Variants in DLGAP2 observed in about 807,000 individuals in gnomAD.
DLGAP2 encodes the protein disks large-associated protein 2.
In DLGAP2, 26 loss-of-function variants were observed where a neutral mutation model predicts 100.3. The observed-to-expected ratio is 0.26, with a 90% CI of 0.19 to 0.36. DLGAP2 has a LOEUF of 0.36. Among genes scored for constraint, DLGAP2 ranks in the 10% least tolerant of loss-of-function variants. The pLI is 1.00. For synonymous variants in DLGAP2, 886 were observed against 630.1 expected (o/e 1.41, Z -6.08); for missense variants, 1,858 against 1,453.2 (o/e 1.28, Z -4.53).
At chr8:1,638,421 C>T (rs117500876) in intron 8 of DLGAP2, among the ~76,000 whole-genome samples, 5 of 152,042 alleles carry the variant, frequency 3.3e-5, no homozygotes, top group African/African-American at 1.2e-4. Flanking sequence ...GTTTTCCCAG[C>T]GCCTTGGTCT....
At chr8:1,126,050 G>A (rs1796156012) in intron 2 of DLGAP2, among the ~76,000 whole-genome samples, 1 of 152,216 alleles carries the variant, frequency 6.6e-6, no homozygotes, top group Non-Finnish European at 1.5e-5. Context: ...CCCTGCCATG[G>A]TCTTCTCCCA....
chr8:1,342,091 C>G (rs1801431262), intron 3 of DLGAP2, among the ~76,000 whole-genome samples: 1 of 152,080 alleles, frequency 6.6e-6, no homozygotes, highest in African/African-American at 2.4e-5. Flanking sequence ...GCTGGGGCAA[C>G]AGGCAGGTGC....
rs113895637 is a variant in DLGAP2, at chr8:1,626,192, C to T, written c.1443-548C>T. On this transcript the variant is annotated intron_variant, in intron 6 of 14. Coordinates refer to ENST00000637795, the MANE Select transcript of DLGAP2 (RefSeq NM_001346810.2). ...GGCTGTTCCCATCTCTACCCTGTGGCGGGTGCTCAGCCTCTGGGTGTGGGT... is the reference window on the plus strand; with the variant it reads ...GGCTGTTCCCATCTCTACCCTGTGGTGGGTGCTCAGCCTCTGGGTGTGGGT... 1.1e-3 allele frequency among the ~76,000 whole-genome samples: 90 copies of T among 84,132 alleles called. 2 individuals carry two copies. The highest frequency in any genetic ancestry group is 5.7e-3 in the African/African-American group (67 of 11,758). 55.2% of individuals were successfully genotyped at this position (84,132 alleles called of 152,430 possible).
chr8:1,327,791 C>A lies in DLGAP2; in HGVS notation c.106+68908C>A, dbSNP rs371408801. The stretch of plus-strand genomic sequence containing the variant: ...CCCAGGAGGGGGAGCTTGCAATGAG[C>A]AGAGATGGCACCACTGCACTCCAGC... On this transcript the variant is annotated intron_variant, in intron 3 of 14. Coordinates refer to ENST00000637795, the MANE Select transcript of DLGAP2 (RefSeq NM_001346810.2). Among the ~76,000 whole-genome samples the A allele has an allele frequency of 7.9e-5, 12 of 152,314 alleles. No homozygotes were observed. In the East Asian group the frequency reaches 2.1e-3, roughly 27 times the overall value.
At chr8:772,815 C>G (rs937842600) in intron 1 of DLGAP2, among the ~76,000 whole-genome samples, 5 of 152,172 alleles carry the variant, frequency 3.3e-5, no homozygotes, top group African/African-American at 9.6e-5. Flanking sequence ...ATTAAGTGCT[C>G]TGCAAATCAC....
chr8:743,040 CTT>C (rs1162194087), intron 1 of DLGAP2, among the ~76,000 whole-genome samples: 6 of 152,202 alleles, frequency 3.9e-5, no homozygotes, highest in Non-Finnish European at 8.8e-5. Context: ...TCAAGCAACT[CTT>C]TGATTTCTCT....
intron 2 of DLGAP2, among the ~76,000 whole-genome samples, chr8:1,225,896 G>A (rs553078411): frequency 6.6e-6 from 1 of 152,134 alleles, no homozygotes; most frequent in Non-Finnish European, 1.5e-5. Context: ...ATTCCGTAAT[G>A]TATGCATATA....
chr8:1,632,097 G>A (rs941392832), intron 7 of DLGAP2, among the ~76,000 whole-genome samples: 1 of 151,496 alleles, frequency 6.6e-6, no homozygotes, highest in African/African-American at 2.4e-5. Context: ...GACAGGGGAG[G>A]AAGGATGGAA....
intron 2 of DLGAP2, among the ~76,000 whole-genome samples, chr8:1,042,654 G>A (rs992051507): frequency 2.0e-5 from 3 of 152,204 alleles, no homozygotes; most frequent in Non-Finnish European, 4.4e-5. Context: ...CCATCCTCTG[G>A]GAAGTCCTGG....
At chr8:1,546,117 A>G (rs1801525698) in intron 4 of DLGAP2, among the ~76,000 whole-genome samples, 2 of 152,230 alleles carry the variant, frequency 1.3e-5, no homozygotes, top group Non-Finnish European at 2.9e-5. Context: ...CCCCCAATAT[A>G]TTAAAGTGCT....
At chr8:1,629,782 CA>C (rs1347791229) in intron 7 of DLGAP2, among the ~76,000 whole-genome samples, 2 of 152,168 alleles carry the variant, frequency 1.3e-5, no homozygotes, top group Non-Finnish European at 2.9e-5. Flanking sequence ...AATACTTTTC[CA>C]CAAACAACTT....
chr8:1,649,500 C>T lies in DLGAP2; in HGVS notation c.1810+16454C>T, dbSNP rs10503167. On this transcript the variant is annotated intron_variant, in intron 8 of 14. Transcript: ENST00000637795. ...GATTACTCTGAATTAATCTTTGAAC[C>T]CTTTTTCAAACACCAAAAATGCAGA... is the stretch of plus-strand genomic sequence containing the variant. Among the ~76,000 whole-genome samples the T allele has an allele frequency of 7.2e-5, 11 of 152,134 alleles. No individual in the cohort carries two copies. In the South Asian group the frequency reaches 2.1e-3, roughly 29 times the overall value.
At position 1,660,933 on chromosome 8, in the gene DLGAP2, G is replaced by C. The variant is rs142691541; in HGVS notation, c.1811-7396G>C. On this transcript the variant is annotated intron_variant, in intron 8 of 14. Coordinates refer to ENST00000637795, the MANE Select transcript of DLGAP2 (RefSeq NM_001346810.2). ...GAAGAATACACGGCACCGTGATTCCGTAGCTAATACCGCAACTTTCAGCAA... is the reference window on the plus strand; with the variant it reads ...GAAGAATACACGGCACCGTGATTCCCTAGCTAATACCGCAACTTTCAGCAA... Among the ~76,000 whole-genome samples, 230 of 152,286 alleles carry C rather than the reference G, an allele frequency of 1.5e-3. 1 individual carries two copies. Among genetic ancestry groups the C allele is most frequent in the Non-Finnish European group, 2.7e-3 (187 of 68,038 alleles).
At chr8:1,588,868 G>A (rs936959818) in intron 6 of DLGAP2, among the ~76,000 whole-genome samples, 1 of 152,014 alleles carries the variant, frequency 6.6e-6, no homozygotes. Context: ...GTTGCATTGA[G>A]CCGAGATCAC....
At chr8:1,287,496 GGTTC>G (rs1285665073) in intron 3 of DLGAP2, among the ~76,000 whole-genome samples, 2,070 of 70,024 alleles carry the variant, frequency 0.03, 281 homozygotes, top group African/African-American at 0.061. Context: ...GTGTGTGTGT[GGTTC>G]TGTTAGGAGG....
intron 6 of DLGAP2, among the ~76,000 whole-genome samples, chr8:1,567,507 G>A (rs1802450761): frequency 6.6e-6 from 1 of 152,164 alleles, no homozygotes; most frequent in African/African-American, 2.4e-5. Flanking sequence ...CATGGGCAGG[G>A]ACTAAGTGTT....
chr8:1,594,840 T>G (rs2130684127), intron 6 of DLGAP2, among the ~76,000 whole-genome samples: 1 of 152,260 alleles, frequency 6.6e-6, no homozygotes, highest in East Asian at 1.9e-4. Context: ...CCCCTGATCT[T>G]TCTCTGTGCT....
intron 2 of DLGAP2, among the ~76,000 whole-genome samples, chr8:1,209,725 C>T (rs556846928): frequency 6.6e-6 from 1 of 152,160 alleles, no homozygotes; most frequent in East Asian, 1.9e-4. Context: ...CAAAGGAAAA[C>T]ATTTAAAGGT....
intron 1 of DLGAP2, among the ~76,000 whole-genome samples, chr8:794,639 C>T (rs988748906): frequency 2.7e-5 from 4 of 150,250 alleles, no homozygotes; most frequent in Middle Eastern, 3.2e-3. Context: ...GTTCCTTGCC[C>T]GCATTCCTGT....
Sources: allele counts gnomAD v4.1 joint callset (sites outside exome capture counted in the v4.1 genomes callset), GRCh38; gene constraint gnomAD v4.1.1; transcripts MANE v1.5; gene names NCBI Gene and HGNC (gene_info 2026-07-23, HGNC 2026-07-21).